FOXN3: variants seen among roughly 807,000 people sequenced by gnomAD.
FOXN3 encodes forkhead box N3.
Under a neutral mutation model 38.4 loss-of-function variants are expected in FOXN3, and 7 were observed. The observed-to-expected ratio is 0.18, with a 90% CI of 0.10 to 0.34. The LOEUF (loss-of-function observed/expected upper bound fraction) is 0.34. FOXN3 is among the 10% of genes least tolerant of loss of function. The probability of loss-of-function intolerance (pLI) is 1.00; values close to 1 mark genes in which losing one functional copy is unlikely to be tolerated. For synonymous variants in FOXN3, 230 were observed against 242.2 expected, an observed-to-expected ratio of 0.95 and a Z score of 0.47; for missense variants, 456 against 613.4, an observed-to-expected ratio of 0.74 and a Z score of 2.71.
At chr14:89,226,814 C>T (rs920685461) in intron 4 of FOXN3, among the ~76,000 whole-genome samples, 16 of 152,128 alleles carry the variant, frequency 1.1e-4, no homozygotes, top group African/African-American at 2.9e-4. Flanking sequence ...GACAGAAACA[C>T]GAGGAAAACA....
At chr14:89,353,739 A>AAT in intron 2 of FOXN3, 1 of 150,612 alleles carries the variant, frequency 6.6e-6, no homozygotes, top group Non-Finnish European at 1.5e-5. Flanking sequence ...CCCAAAAAAA[A>AAT]TTTTTTTTTT....
chr14:89,400,973 T>C (rs1462441132), intron 2 of FOXN3, among the ~76,000 whole-genome samples: 1 of 152,126 alleles, frequency 6.6e-6, no homozygotes, highest in Admixed American at 6.5e-5. Context: ...TGCTACCCTA[T>C]GGAAGGTCTA....
At position 89,180,693 on chromosome 14, in the gene FOXN3, CCA is replaced by C; in HGVS notation, c.851+6_851+7del. The C allele has an allele frequency of 6.3e-7, 1 of 1,598,532 alleles. No individual in the cohort carries two copies. ...AGGCTGGCTCTGCCCAGCGCACTCCCCACTTACCTCATGGCCGCTGTCACCCC... is the reference window on the plus strand; with the variant it reads ...AGGCTGGCTCTGCCCAGCGCACTCCCCTTACCTCATGGCCGCTGTCACCCC... On this transcript the variant is annotated splice_donor_region_variant and intron_variant, in intron 5 of 5. Transcript: ENST00000557258.
chr14:89,337,547 CT>C (rs1488243538), intron 3 of FOXN3, among the ~76,000 whole-genome samples: 2 of 152,062 alleles, frequency 1.3e-5, no homozygotes, highest in South Asian at 4.1e-4. Flanking sequence ...CAGAGGGAGG[CT>C]TCTTTTCAAA....
At chr14:89,619,121 C>T (rs2277521) in exon 1 of FOXN3, 1 of 151,426 alleles carries the variant, frequency 6.6e-6, no homozygotes, top group Non-Finnish European at 1.5e-5. Flanking sequence ...CGGGTCGCGC[C>T]GTCTCCCGGC....
At chr14:89,231,120 T>C (rs1393921805) in intron 4 of FOXN3, among the ~76,000 whole-genome samples, 1 of 152,168 alleles carries the variant, frequency 6.6e-6, no homozygotes, top group Non-Finnish European at 1.5e-5. Context: ...CCTGGGGTGA[T>C]TTTGTTGTTG....
intron 2 of FOXN3, among the ~76,000 whole-genome samples, chr14:89,365,314 C>T (rs796749769): frequency 2.6e-4 from 39 of 152,344 alleles, no homozygotes; most frequent in African/African-American, 8.9e-4. Flanking sequence ...ACTCTCTACA[C>T]TATTGTTTCC....
At chr14:89,563,547 C>T (rs1195636798) in intron 1 of FOXN3, among the ~76,000 whole-genome samples, 1 of 152,030 alleles carries the variant, frequency 6.6e-6, no homozygotes, top group East Asian at 1.9e-4. Flanking sequence ...GAGATCACTT[C>T]CTGTTTGGGT....
chr14:89,357,081 C>T (rs922383824), intron 2 of FOXN3, among the ~76,000 whole-genome samples: 2 of 151,976 alleles, frequency 1.3e-5, no homozygotes, highest in Admixed American at 6.6e-5. Context: ...GGCCAGTTAG[C>T]GGCTCACACC....
chr14:89,604,642 G>C (rs909157690), intron 1 of FOXN3, among the ~76,000 whole-genome samples: 1 of 152,164 alleles, frequency 6.6e-6, no homozygotes, highest in African/African-American at 2.4e-5. Flanking sequence ...GAATCTTCCA[G>C]TTCTGATGAG....
chr14:89,399,106 C>T (rs751933910), intron 2 of FOXN3, among the ~76,000 whole-genome samples: 1 of 152,246 alleles, frequency 6.6e-6, no homozygotes, highest in African/African-American at 2.4e-5. Context: ...AGGGATTTTC[C>T]GAGCAGCTAT....
rs78430513 is a variant in FOXN3, at chr14:89,596,458, A to T, written c.-15+22570T>A. On this transcript the variant is annotated intron_variant, in intron 1 of 6. Coordinates refer to the FOXN3 transcript ENST00000345097. ...GGCCTTGTTTAGGATTTTAAAATTT[A>T]TATTCATGAGTGAAACTGGCCTGGA... Among the ~76,000 whole-genome samples the T allele has an allele frequency of 8.8e-3, 1,341 of 152,266 alleles. 14 individuals carry two copies. The highest frequency in any genetic ancestry group is 0.03 in the African/African-American group (1,255 of 41,530).
intron 3 of FOXN3, among the ~76,000 whole-genome samples, chr14:89,301,872 C>G (rs1237190302): frequency 6.6e-6 from 1 of 152,126 alleles, no homozygotes; most frequent in African/African-American, 2.4e-5. Flanking sequence ...CTGATACTTC[C>G]AACTGAGCAG....
intron 2 of FOXN3, chr14:89,354,962 G>A (rs930756064): frequency 1.3e-5 from 2 of 151,842 alleles, no homozygotes; most frequent in African/African-American, 2.4e-5. Flanking sequence ...GAAAGTATGC[G>A]TGTGTATTCA....
intron 3 of FOXN3, among the ~76,000 whole-genome samples, chr14:89,288,144 C>A (rs531953607): frequency 6.6e-6 from 1 of 152,180 alleles, no homozygotes; most frequent in South Asian, 2.1e-4. Context: ...CAGAAAGAGA[C>A]CAGGTAGAAA....
At chr14:89,539,496 T>C (rs1324647105) in intron 1 of FOXN3, among the ~76,000 whole-genome samples, 2 of 152,162 alleles carry the variant, frequency 1.3e-5, no homozygotes, top group South Asian at 2.1e-4. Context: ...ATGTCTATAA[T>C]GGAGAAATAA....
At chr14:89,258,949 A>G (rs1416762787) in intron 4 of FOXN3, among the ~76,000 whole-genome samples, 1 of 152,078 alleles carries the variant, frequency 6.6e-6, no homozygotes, top group Non-Finnish European at 1.5e-5. Context: ...ATCACGAACA[A>G]CTCACCAACT....
intron 4 of FOXN3, among the ~76,000 whole-genome samples, chr14:89,217,031 T>C (rs968092013): frequency 1.3e-5 from 2 of 152,210 alleles, no homozygotes; most frequent in Non-Finnish European, 2.9e-5. Flanking sequence ...CTTTAATTTC[T>C]CTTTTAGGAG....
intron 1 of FOXN3, among the ~76,000 whole-genome samples, chr14:89,601,764 T>TG (rs1161518888): frequency 6.6e-6 from 1 of 152,126 alleles, no homozygotes; most frequent in African/African-American, 2.4e-5. Context: ...TTTTTGTTTT[T>TG]TTTTCCTGCT....
Sources: gnomAD v4.1 joint callset for allele counts (sites outside exome capture counted in the v4.1 genomes callset) on GRCh38, gnomAD v4.1.1 for gene constraint, MANE v1.5 for transcripts, NCBI Gene and HGNC (gene_info 2026-07-23, HGNC 2026-07-21) for gene names.